The following STARD10 variants were observed in gnomAD, a reference collection of about 807,000 sequenced individuals.
STARD10 encodes the protein START domain-containing protein 10.
A neutral mutation model predicts 36.0 loss-of-function variants in STARD10; 24 were observed. The ratio of observed to expected loss-of-function variants is 0.67; its 90% CI spans 0.48 to 0.94. STARD10 has a LOEUF of 0.94. Among genes scored for constraint, STARD10 ranks in the 40% least tolerant of loss-of-function variants. The pLI, the probability that STARD10 is intolerant of heterozygous loss-of-function variation, is 0.00. For synonymous variants in STARD10, 156 were observed against 161.9 expected, an observed-to-expected ratio of 0.96 and a Z score of 0.28; for missense variants, 335 against 396.6, an observed-to-expected ratio of 0.84 and a Z score of 1.32.
chr11:72,763,942 A>G (rs554906023), intron 2 of STARD10, among the ~76,000 whole-genome samples: 7 of 152,198 alleles, frequency 4.6e-5, no homozygotes, highest in African/African-American at 1.2e-4. Context: ...TGCCCAGATC[A>G]TAGGGCCTGA....
chr11:72,787,298 G>A (rs975601861), intron 1 of STARD10, among the ~76,000 whole-genome samples: 15 of 152,122 alleles, frequency 9.9e-5, no homozygotes, highest in Admixed American at 1.3e-4. Flanking sequence ...CTGCACCTCT[G>A]AACCCTGGGA....
At chr11:72,771,700 C>A (rs566325384) in intron 2 of STARD10, among the ~76,000 whole-genome samples, 2 of 152,268 alleles carry the variant, frequency 1.3e-5, no homozygotes, top group South Asian at 4.1e-4. Flanking sequence ...CCTCCACCCC[C>A]ACCTCCACCT....
chr11:72,779,005 C>T (rs1417483745), intron 2 of STARD10, among the ~76,000 whole-genome samples: 1 of 152,138 alleles, frequency 6.6e-6, no homozygotes, highest in Non-Finnish European at 1.5e-5. Context: ...CAGCCTGGCC[C>T]CAGACCCACC....
At chr11:72,788,843 G>C (rs948141663) in intron 1 of STARD10, among the ~76,000 whole-genome samples, 1 of 152,134 alleles carries the variant, frequency 6.6e-6, no homozygotes, top group Non-Finnish European at 1.5e-5. Flanking sequence ...TTACAGGCGT[G>C]AGCCCCTGCT....
chr11:72,755,276 C>T, intron 6 of STARD10, 134 bp from the exon 7 acceptor site: 1 of 992,702 alleles, frequency 1.0e-6, no homozygotes, highest in African/African-American at 1.7e-5. Flanking sequence ...CCTACTTGCC[C>T]TCCCTGGGCC....
At chr11:72,776,587 T>C (rs1295063672) in intron 2 of STARD10, among the ~76,000 whole-genome samples, 1 of 152,134 alleles carries the variant, frequency 6.6e-6, no homozygotes, top group Non-Finnish European at 1.5e-5. Context: ...GTCAAGGACC[T>C]AGGTCCTGAT....
At chr11:72,762,683 G>C (rs1858737059) in intron 2 of STARD10, among the ~76,000 whole-genome samples, 1 of 152,168 alleles carries the variant, frequency 6.6e-6, no homozygotes, top group African/African-American at 2.4e-5. Flanking sequence ...CTCATTGGGG[G>C]CATAAGAAGG....
At chr11:72,764,746 C>T (rs911825604) in intron 2 of STARD10, among the ~76,000 whole-genome samples, 1 of 152,154 alleles carries the variant, frequency 6.6e-6, no homozygotes, top group Admixed American at 6.5e-5. Flanking sequence ...ACCAGGTGGG[C>T]GGGCCGGTAC....
At chr11:72,775,368 C>T (rs1413431294) in intron 2 of STARD10, among the ~76,000 whole-genome samples, 2 of 152,166 alleles carry the variant, frequency 1.3e-5, no homozygotes, top group Non-Finnish European at 2.9e-5. Context: ...TCCCCTGGCA[C>T]CCCAGAGCCT....
intron 2 of STARD10, among the ~76,000 whole-genome samples, chr11:72,770,040 C>T (rs1057047279): frequency 6.6e-6 from 1 of 152,154 alleles, no homozygotes; most frequent in African/African-American, 2.4e-5. Flanking sequence ...AACTAGTACC[C>T]GTGACATGGT....
chr11:72,761,064 G>A (rs756044058), intron 2 of STARD10, among the ~76,000 whole-genome samples: 23 of 152,086 alleles, frequency 1.5e-4, no homozygotes, highest in Non-Finnish European at 2.6e-4. Context: ...GTGGGATGCC[G>A]CAGGAAGGAC....
At chr11:72,780,780 C>T (rs1858982777) in intron 2 of STARD10, 195 bp downstream of exon 2, 1 of 619,620 alleles carries the variant, frequency 1.6e-6, no homozygotes, top group Non-Finnish European at 2.9e-6. Context: ...CACTCCTGCT[C>T]TCCAGGCCTC....
chr11:72,776,966 G>A (rs1858936619), intron 2 of STARD10, among the ~76,000 whole-genome samples: 1 of 152,134 alleles, frequency 6.6e-6, no homozygotes, highest in Non-Finnish European at 1.5e-5. Flanking sequence ...GAAGTCAGAG[G>A]AGACAGGTCC....
At chr11:72,789,500 C>A (rs1189843473) in intron 1 of STARD10, among the ~76,000 whole-genome samples, 1 of 152,180 alleles carries the variant, frequency 6.6e-6, no homozygotes, top group Non-Finnish European at 1.5e-5. Context: ...TGCGAAAGGC[C>A]TGGTGTCAAT....
intron 1 of STARD10, among the ~76,000 whole-genome samples, chr11:72,788,177 G>C (rs1439557597): frequency 6.6e-6 from 1 of 152,174 alleles, no homozygotes; most frequent in Non-Finnish European, 1.5e-5. Context: ...CCATACGCTG[G>C]GACATTTGGG....
chr11:72,791,870 T>G (rs1204698864), intron 1 of STARD10, among the ~76,000 whole-genome samples: 7 of 149,660 alleles, frequency 4.7e-5, no homozygotes, highest in African/African-American at 1.3e-4. Context: ...TTGTTGTGTT[T>G]TGTTTTGTTT....
At chr11:72,763,626 T>C (rs2135613222) in intron 2 of STARD10, among the ~76,000 whole-genome samples, 1 of 152,220 alleles carries the variant, frequency 6.6e-6, no homozygotes, top group East Asian at 1.9e-4. Flanking sequence ...GTCAGGATCA[T>C]GACAGTCACA....
Position 72,755,144 on chromosome 11 carries a change from T to C in STARD10, c.631-2A>G. 1 of 1,608,654 alleles carries C rather than the reference T, an allele frequency of 6.2e-7. No homozygotes were observed. ...CGCCTTGTACATCTTCTTCATGGCC[T>C]GTGGGCCCGCCGCCCCGCCGGGTCA... On this transcript the variant is annotated splice_acceptor_variant, in intron 6 of 6. Transcript: ENST00000334805. LOFTEE classifies it high-confidence loss of function.
chr11:72,788,572 G>GC (rs1223993381), intron 1 of STARD10, among the ~76,000 whole-genome samples: 2 of 125,304 alleles, frequency 1.6e-5, no homozygotes, highest in African/African-American at 3.1e-5. Context: ...CTGAAATTCA[G>GC]CCTTTTTTTT....
Sources: gnomAD v4.1 joint callset for allele counts (sites outside exome capture counted in the v4.1 genomes callset) on GRCh38, gnomAD v4.1.1 for gene constraint, MANE v1.5 for transcripts, NCBI Gene and HGNC (gene_info 2026-07-23, HGNC 2026-07-21) for gene names.